The following SUGCT variants were observed in gnomAD, a reference collection of about 807,000 sequenced individuals.
The protein encoded by SUGCT is succinyl-CoA:glutarate CoA-transferase.
In SUGCT, 41 loss-of-function variants were observed where a neutral mutation model predicts 55.0. The observed-to-expected ratio is 0.74, with a 90% CI of 0.58 to 0.97. The LOEUF (loss-of-function observed/expected upper bound fraction) is 0.97, where lower values mean the gene tolerates loss of function less well. SUGCT is among the 50% of genes least tolerant of loss of function. The pLI, the probability that SUGCT is intolerant of heterozygous loss-of-function variation, is 0.00. For synonymous variants in SUGCT, 187 were observed against 200.4 expected (o/e 0.93, Z 0.56); for missense variants, 568 against 547.8 (o/e 1.04, Z -0.37).
chr7:40,742,132 G>T (rs1031666079), intron 12 of SUGCT, among the ~76,000 whole-genome samples: 4 of 152,058 alleles, frequency 2.6e-5, no homozygotes, highest in African/African-American at 7.2e-5. Context: ...CTATATATAT[G>T]CACACACATT....
intron 9 of SUGCT, among the ~76,000 whole-genome samples, chr7:40,349,065 T>C (rs1366455478): frequency 2.0e-5 from 3 of 152,226 alleles, no homozygotes; most frequent in Non-Finnish European, 4.4e-5. Flanking sequence ...TCCACCCTCC[T>C]TCTGTATATC....
intron 12 of SUGCT, among the ~76,000 whole-genome samples, chr7:40,709,230 T>G (rs943823770): frequency 6.6e-6 from 1 of 152,216 alleles, no homozygotes; most frequent in Non-Finnish European, 1.5e-5. Context: ...TATTCCCACA[T>G]GTGTTAACTC....
At chr7:40,970,768 TG>T in the SUGCT span, among the ~76,000 whole-genome samples, 8 of 152,086 alleles carry the variant, frequency 5.3e-5, no homozygotes, top group African/African-American at 1.9e-4. Flanking sequence ...CCTGGCTGGG[TG>T]GGAGTGGGGA....
chr7:40,141,710 CTT>C (rs61007273), intron 1 of SUGCT: 574 of 149,646 alleles, frequency 3.8e-3, no homozygotes, highest in South Asian at 0.013. Context: ...AGAGGGAATT[CTT>C]TTTTTTTTTT....
At chr7:40,982,924 C>T in the SUGCT span, among the ~76,000 whole-genome samples, 3 of 152,212 alleles carry the variant, frequency 2.0e-5, no homozygotes, top group Admixed American at 2.0e-4. Context: ...TCTGGGATTA[C>T]AGGCATGAGC....
At chr7:40,633,375 G>T (rs571276982) in intron 12 of SUGCT, among the ~76,000 whole-genome samples, 4 of 152,084 alleles carry the variant, frequency 2.6e-5, no homozygotes, top group Non-Finnish European at 5.9e-5. Context: ...TATCCTGCAT[G>T]CCAAAACACA....
intron 6 of SUGCT, among the ~76,000 whole-genome samples, chr7:40,214,394 T>C (rs1275103412): frequency 1.3e-5 from 2 of 152,188 alleles, no homozygotes; most frequent in Non-Finnish European, 2.9e-5. Flanking sequence ...ATATATTACA[T>C]AATATTTACA....
chr7:40,515,692 A>G (rs1395339311), intron 12 of SUGCT, among the ~76,000 whole-genome samples: 1 of 152,156 alleles, frequency 6.6e-6, no homozygotes, highest in African/African-American at 2.4e-5. Flanking sequence ...GTGTGGGTAT[A>G]CCACATTTTA....
chr7:41,015,599 G>A, the SUGCT span, among the ~76,000 whole-genome samples: 1 of 152,100 alleles, frequency 6.6e-6, no homozygotes, highest in East Asian at 1.9e-4. Flanking sequence ...AGGTAGAAAT[G>A]AATCAATGTT....
intron 9 of SUGCT, among the ~76,000 whole-genome samples, chr7:40,333,720 A>T (rs1172622156): frequency 1.5e-5 from 2 of 134,872 alleles, no homozygotes; most frequent in African/African-American, 5.5e-5. Context: ...TATAAAATAC[A>T]CACATATATA....
intron 12 of SUGCT, among the ~76,000 whole-genome samples, chr7:40,565,594 G>C (rs1352300996): frequency 6.6e-6 from 1 of 152,128 alleles, no homozygotes; most frequent in Non-Finnish European, 1.5e-5. Context: ...CATTGAACAC[G>C]ATGATCATCG....
intron 8 of SUGCT, among the ~76,000 whole-genome samples, chr7:40,303,438 C>T (rs776757496): frequency 5.3e-5 from 8 of 152,124 alleles, no homozygotes; most frequent in Non-Finnish European, 8.8e-5. Flanking sequence ...CAGTCTGTTC[C>T]CAGGACTTGT....
intron 13 of SUGCT, among the ~76,000 whole-genome samples, chr7:40,858,385 A>G (rs1387935701): frequency 6.8e-6 from 1 of 147,554 alleles, no homozygotes. Context: ...CCTGGGCAAC[A>G]AGAGCAAAAT....
intron 13 of SUGCT, among the ~76,000 whole-genome samples, chr7:40,759,178 T>C (rs1249180858): frequency 6.6e-6 from 1 of 152,180 alleles, no homozygotes; most frequent in Non-Finnish European, 1.5e-5. Context: ...CAAGTTCATG[T>C]GTGACCTTAA....
chr7:40,300,768 G>C (rs1043319537), intron 8 of SUGCT, among the ~76,000 whole-genome samples: 1 of 152,176 alleles, frequency 6.6e-6, no homozygotes, highest in African/African-American at 2.4e-5. Context: ...CTGTTGATGA[G>C]GAGTTCTGAC....
intron 12 of SUGCT, among the ~76,000 whole-genome samples, chr7:40,711,957 C>T (rs922218942): frequency 9.2e-5 from 14 of 152,186 alleles, no homozygotes; most frequent in Non-Finnish European, 1.9e-4. Context: ...GAGGTGTTCA[C>T]ATCCTCACTC....
chr7:40,653,055 A>G (rs1393314981), intron 12 of SUGCT, among the ~76,000 whole-genome samples: 1 of 152,272 alleles, frequency 6.6e-6, no homozygotes, highest in East Asian at 1.9e-4. Context: ...CTTCAGCTTC[A>G]TCTCTACCAT....
At chr7:40,199,995 A>AG (rs1224576211) in intron 6 of SUGCT, among the ~76,000 whole-genome samples, 1 of 152,168 alleles carries the variant, frequency 6.6e-6, no homozygotes, top group Non-Finnish European at 1.5e-5. Flanking sequence ...GGGAGTGGGG[A>AG]GGTAGGATAT....
At chr7:40,778,576 G>T (rs1216811490) in intron 13 of SUGCT, among the ~76,000 whole-genome samples, 1 of 152,200 alleles carries the variant, frequency 6.6e-6, no homozygotes, top group Non-Finnish European at 1.5e-5. Flanking sequence ...CCAGTGGTGA[G>T]GTGAGGCTAC....
Sources: allele counts gnomAD v4.1 joint callset (sites outside exome capture counted in the v4.1 genomes callset), GRCh38; gene constraint gnomAD v4.1.1; transcripts MANE v1.5; gene names NCBI Gene and HGNC (gene_info 2026-07-23, HGNC 2026-07-21).